The following NWD2 variants were observed in gnomAD, a reference collection of about 807,000 sequenced individuals.
NWD2 encodes NACHT and WD repeat domain-containing protein 2.
In NWD2, 37 loss-of-function variants were observed where a neutral mutation model predicts 132.7. The observed-to-expected ratio is 0.28, with a 90% CI of 0.21 to 0.37. The LOEUF is 0.37. NWD2 is among the 10% of genes least tolerant of loss of function. NWD2 has a pLI of 1.00. For synonymous variants in NWD2, 705 were observed against 803.0 expected (o/e 0.88, Z 2.06); for missense variants, 1,592 against 2,122.4 (o/e 0.75, Z 4.91).
chr4:37,410,067 G>C (rs1411484488), intron 3 of NWD2, among the ~76,000 whole-genome samples: 2 of 152,166 alleles, frequency 1.3e-5, no homozygotes, highest in African/African-American at 4.8e-5. Flanking sequence ...AAATTGTAAA[G>C]AACATCAACA....
At chr4:37,288,664 G>A (rs983865443) in intron 1 of NWD2, among the ~76,000 whole-genome samples, 19 of 152,318 alleles carry the variant, frequency 1.2e-4, no homozygotes, top group African/African-American at 4.6e-4. Context: ...TCAGGCTTCA[G>A]AATCTCTTCT....
intron 3 of NWD2, among the ~76,000 whole-genome samples, chr4:37,420,372 G>T (rs1219032978): frequency 1.3e-5 from 2 of 152,112 alleles, no homozygotes; most frequent in Non-Finnish European, 2.9e-5. Flanking sequence ...ATCCATGCAG[G>T]TATCTGACTG....
intron 2 of NWD2, among the ~76,000 whole-genome samples, chr4:37,340,033 T>C (rs1442782121): frequency 1.3e-5 from 2 of 152,086 alleles, no homozygotes; most frequent in African/African-American, 4.8e-5. Flanking sequence ...GGGAAACCTT[T>C]TGATAAGTCT....
chr4:37,263,342 T>C (rs1007997314), intron 1 of NWD2, among the ~76,000 whole-genome samples: 7 of 152,164 alleles, frequency 4.6e-5, no homozygotes, highest in African/African-American at 7.2e-5. Flanking sequence ...TCCATCACTT[T>C]CCCTTGCTCA....
intron 3 of NWD2, among the ~76,000 whole-genome samples, chr4:37,421,707 C>T (rs1032774737): frequency 2.6e-5 from 4 of 152,146 alleles, no homozygotes; most frequent in South Asian, 2.1e-4. Context: ...ATGACTTGAC[C>T]GCCTCATTTT....
At position 37,448,027 on chromosome 4, in the gene NWD2, G is replaced by A. The variant is rs914152037; in HGVS notation, c.*810G>A. ...TGGGTGTAAAGAAGATTACAGGAAG[G>A]GCATTACAAATCTGGTCAAAACACC... On this transcript the variant is annotated 3_prime_UTR_variant, in exon 7 of 7. Coordinates refer to ENST00000309447, the MANE Select transcript of NWD2 (RefSeq NM_001144990.2). The A allele has an allele frequency of 6.6e-6, 1 of 152,184 alleles. No homozygotes were observed. The highest frequency in any genetic ancestry group is 2.4e-5 in the African/African-American group (1 of 41,442). The allele number at this position is 152,184 out of a possible 1,614,324, so 9.4% of individuals were successfully genotyped here.
At chr4:37,420,119 G>A (rs183317332) in intron 3 of NWD2, among the ~76,000 whole-genome samples, 16 of 152,252 alleles carry the variant, frequency 1.1e-4, no homozygotes, top group Admixed American at 3.3e-4. Context: ...TAGGGTGAGC[G>A]TTATTATTTT....
At chr4:37,269,197 A>C (rs555962458) in intron 1 of NWD2, among the ~76,000 whole-genome samples, 2 of 152,046 alleles carry the variant, frequency 1.3e-5, no homozygotes, top group African/African-American at 2.4e-5. Flanking sequence ...AAGTGTTTTT[A>C]AAATAAAAAT....
intron 1 of NWD2, among the ~76,000 whole-genome samples, chr4:37,278,935 C>T (rs1167180996): frequency 6.6e-6 from 1 of 152,092 alleles, no homozygotes; most frequent in East Asian, 1.9e-4. Flanking sequence ...GCAAAACTGA[C>T]TTAGTATTAT....
At chr4:37,259,844 C>T (rs1333971268) in intron 1 of NWD2, among the ~76,000 whole-genome samples, 2 of 152,180 alleles carry the variant, frequency 1.3e-5, no homozygotes, top group Admixed American at 6.5e-5. Flanking sequence ...ATGTCTTCCT[C>T]CCCTCCAGGG....
chr4:37,314,817 AGTTT>A (rs917623839), intron 1 of NWD2, among the ~76,000 whole-genome samples: 2 of 151,938 alleles, frequency 1.3e-5, no homozygotes, highest in African/African-American at 4.8e-5. Context: ...TTTTGGGTTC[AGTTT>A]GTTTAAATTT....
intron 3 of NWD2, among the ~76,000 whole-genome samples, chr4:37,408,954 A>G (rs1721099416): frequency 6.6e-6 from 1 of 152,194 alleles, no homozygotes; most frequent in African/African-American, 2.4e-5. Flanking sequence ...TGTCAGAAGG[A>G]AAACTAACAA....
chr4:37,353,897 AGTT>A (rs1719819887), intron 2 of NWD2, among the ~76,000 whole-genome samples: 1 of 152,026 alleles, frequency 6.6e-6, no homozygotes, highest in South Asian at 2.1e-4. Context: ...GCTGGCAAGA[AGTT>A]GTGATCCTTT....
chr4:37,324,141 C>G (rs558993048), intron 1 of NWD2, among the ~76,000 whole-genome samples: 2 of 152,002 alleles, frequency 1.3e-5, no homozygotes, highest in South Asian at 2.1e-4. Context: ...ACATGTACCC[C>G]CTGTGTCTAA....
At chr4:37,380,705 C>T (rs1212405485) in intron 3 of NWD2, among the ~76,000 whole-genome samples, 1 of 152,174 alleles carries the variant, frequency 6.6e-6, no homozygotes, top group Non-Finnish European at 1.5e-5. Context: ...GTAAGTACTA[C>T]ATTATTTTCA....
chr4:37,407,313 A>G (rs1431950948), intron 3 of NWD2, among the ~76,000 whole-genome samples: 1 of 150,294 alleles, frequency 6.7e-6, no homozygotes, highest in Non-Finnish European at 1.5e-5. Context: ...TGACAACAGG[A>G]GGAGTGGCAC....
intron 1 of NWD2, among the ~76,000 whole-genome samples, chr4:37,291,242 C>G (rs1193976344): frequency 6.7e-6 from 1 of 150,266 alleles, no homozygotes; most frequent in African/African-American, 2.4e-5. Context: ...AATAAAACGA[C>G]TAAGTAGCCA....
rs566670978 is a variant in NWD2 at position 37,408,498 on chromosome 4, G to A, written c.358-22074G>A. On this transcript the variant is annotated intron_variant, in intron 3 of 6. Transcript: ENST00000309447. ...GCCAGATTTTTCTTCTCTGGGCAGGGCATCTCTGAAAAAAAGGCAGCAGAC... is the reference window on the plus strand; with the variant it reads ...GCCAGATTTTTCTTCTCTGGGCAGGACATCTCTGAAAAAAAGGCAGCAGAC... 6.8e-4 allele frequency among the ~76,000 whole-genome samples: 103 copies of A among 152,300 alleles called. 1 individual carries two copies. Among genetic ancestry groups the A allele is most frequent in the African/African-American group, 2.1e-3 (86 of 41,564 alleles).
chr4:37,280,342 G>A (rs1244228728), intron 1 of NWD2, among the ~76,000 whole-genome samples: 1 of 152,146 alleles, frequency 6.6e-6, no homozygotes, highest in Non-Finnish European at 1.5e-5. Context: ...TATCCTGGCA[G>A]CTCAGGTTAC....
Sources: gnomAD v4.1 joint callset for allele counts (sites outside exome capture counted in the v4.1 genomes callset) on GRCh38, gnomAD v4.1.1 for gene constraint, MANE v1.5 for transcripts, NCBI Gene and HGNC (gene_info 2026-07-23, HGNC 2026-07-21) for gene names.